The following LEF1 variants were observed in gnomAD, a reference collection of about 807,000 sequenced individuals.
LEF1 encodes the protein lymphoid enhancer-binding factor 1.
Under a neutral mutation model 51.2 loss-of-function variants are expected in LEF1, and 14 were observed. The observed-to-expected ratio is 0.27, with a 90% CI of 0.18 to 0.43. LEF1 has a LOEUF of 0.43. LEF1 is among the 20% of genes least tolerant of loss of function. LEF1 has a pLI of 1.00. For missense variants in LEF1, 386 were observed against 512.0 expected, an observed-to-expected ratio of 0.75 and a Z score of 2.37; for synonymous variants, 185 against 183.2, an observed-to-expected ratio of 1.01 and a Z score of -0.08.
intron 3 of LEF1, among the ~76,000 whole-genome samples, chr4:108,159,576 C>T (rs1270446551): frequency 1.3e-5 from 2 of 152,304 alleles, no homozygotes; most frequent in East Asian, 3.9e-4. Context: ...AACAATGTCA[C>T]GTACAGTGGT....
chr4:108,126,485 T>G (rs1742534906), intron 3 of LEF1, among the ~76,000 whole-genome samples: 1 of 152,152 alleles, frequency 6.6e-6, no homozygotes, highest in Non-Finnish European at 1.5e-5. Flanking sequence ...TCCTGATTTT[T>G]TTATTCTTTT....
At chr4:108,157,367 A>G (rs554183957) in intron 3 of LEF1, among the ~76,000 whole-genome samples, 338 of 152,000 alleles carry the variant, frequency 2.2e-3, no homozygotes, top group Non-Finnish European at 3.0e-3. Context: ...TAATTTTTGT[A>G]TTTTTTAGTA....
At chr4:108,157,179 T>TATACACACACACACACACAC (rs780217431) in intron 3 of LEF1, among the ~76,000 whole-genome samples, 7 of 116,740 alleles carry the variant, frequency 6.0e-5, no homozygotes, top group Non-Finnish European at 1.7e-5. Context: ...TATATATATA[T>TATACACACACACACACACAC]ACACACACAC....
chr4:108,133,441 C>T (rs1222873474), intron 3 of LEF1, among the ~76,000 whole-genome samples: 3 of 152,160 alleles, frequency 2.0e-5, no homozygotes, highest in Admixed American at 2.0e-4. Context: ...AGCATAGTGT[C>T]CCATGTTCAG....
At chr4:108,074,643 G>C (rs907935962) in intron 8 of LEF1, among the ~76,000 whole-genome samples, 19 of 152,200 alleles carry the variant, frequency 1.2e-4, no homozygotes, top group African/African-American at 4.6e-4. Flanking sequence ...GAGCTAGCAA[G>C]GGCTGCCCTG....
intron 3 of LEF1, among the ~76,000 whole-genome samples, chr4:108,094,355 G>A (rs1361596646): frequency 6.6e-6 from 1 of 152,212 alleles, no homozygotes; most frequent in African/African-American, 2.4e-5. Context: ...GTCCCTGCAG[G>A]TAAGGACCTC....
intron 8 of LEF1, among the ~76,000 whole-genome samples, chr4:108,074,362 T>A (rs1006193819): frequency 6.6e-6 from 1 of 152,182 alleles, no homozygotes; most frequent in Non-Finnish European, 1.5e-5. Flanking sequence ...AACATTCTCA[T>A]GACAAATTTG....
chr4:108,074,865 A>G (rs1438652604), intron 8 of LEF1, among the ~76,000 whole-genome samples: 2 of 152,268 alleles, frequency 1.3e-5, no homozygotes, highest in Non-Finnish European at 2.9e-5. Context: ...GCATACCTTC[A>G]TATCATATCC....
chr4:108,056,528 C>T (rs17038504), intron 11 of LEF1, among the ~76,000 whole-genome samples: 5,951 of 152,302 alleles, frequency 0.039, 377 homozygotes, highest in African/African-American at 0.13. Flanking sequence ...CCACGCATAA[C>T]TGAGTCTAAC....
intron 11 of LEF1, among the ~76,000 whole-genome samples, chr4:108,058,595 G>C (rs562412109): frequency 6.6e-6 from 1 of 152,208 alleles, no homozygotes; most frequent in South Asian, 2.1e-4. Flanking sequence ...CTGACAGCTC[G>C]AGTGCTATCT....
intron 11 of LEF1, among the ~76,000 whole-genome samples, chr4:108,057,861 AT>A (rs1288829987): frequency 6.6e-6 from 1 of 150,416 alleles, no homozygotes; most frequent in Admixed American, 6.6e-5. Context: ...TAAGCAGATG[AT>A]TTTTTTTATC....
intron 11 of LEF1, among the ~76,000 whole-genome samples, chr4:108,062,391 C>T (rs1031168248): frequency 6.6e-6 from 1 of 152,166 alleles, no homozygotes; most frequent in Non-Finnish European, 1.5e-5. Context: ...CCAGGGACAG[C>T]ATGTGCGGTG....
intron 5 of LEF1, among the ~76,000 whole-genome samples, chr4:108,082,677 A>G (rs1467750081): frequency 1.3e-5 from 2 of 152,202 alleles, no homozygotes; most frequent in Non-Finnish European, 2.9e-5. Flanking sequence ...TTAATCATAA[A>G]ATAATAAAAA....
intron 3 of LEF1, among the ~76,000 whole-genome samples, chr4:108,154,443 CAAAAAAAA>C (rs10672899): frequency 5.6e-5 from 4 of 71,990 alleles, no homozygotes; most frequent in African/African-American, 2.2e-4. Context: ...AAGGTAGTAG[CAAAAAAAA>C]AAAAAAAAAA....
rs141929220 is a variant in LEF1, at chr4:108,068,281, A to G, written c.1116+2382T>C. ...AATCTCTGTCTCAAAACAAAACAAAACAAAACAAAACAAAACAAAAAGAAG... is the reference window on the plus strand; with the variant it reads ...AATCTCTGTCTCAAAACAAAACAAAGCAAAACAAAACAAAACAAAAAGAAG... On this transcript the variant is annotated intron_variant, in intron 9 of 11. Coordinates refer to ENST00000265165, the MANE Select transcript of LEF1 (RefSeq NM_016269.5). Among the ~76,000 whole-genome samples the G allele has an allele frequency of 9.2e-3, 1,405 of 152,178 alleles. 30 individuals carry two copies. Among genetic ancestry groups the G allele is most frequent in the Middle Eastern group, 0.085 (25 of 294 alleles).
intron 3 of LEF1, among the ~76,000 whole-genome samples, chr4:108,091,335 T>A (rs938522878): frequency 7.9e-5 from 12 of 151,916 alleles, no homozygotes; most frequent in Non-Finnish European, 1.8e-4. Context: ...GTGGCTCCAA[T>A]GAGAAGGACT....
At chr4:108,154,143 G>A (rs1744534538) in intron 3 of LEF1, among the ~76,000 whole-genome samples, 4 of 151,790 alleles carry the variant, frequency 2.6e-5, no homozygotes, top group Admixed American at 2.6e-4. Flanking sequence ...AAGCATTTTT[G>A]AAATTTTCAA....
intron 3 of LEF1, among the ~76,000 whole-genome samples, chr4:108,106,406 G>A (rs948926564): frequency 5.9e-5 from 9 of 152,118 alleles, no homozygotes; most frequent in Non-Finnish European, 1.3e-4. Flanking sequence ...CCGGGTGAAG[G>A]GGAAAGGCCA....
At chr4:108,099,570 G>GTGTGTATATATATA (rs1266681210) in intron 3 of LEF1, among the ~76,000 whole-genome samples, 2 of 70,194 alleles carry the variant, frequency 2.8e-5, no homozygotes, top group Non-Finnish European at 5.8e-5. Context: ...GTGTGTGTGT[G>GTGTGTATATATATA]TATATATATA....
Sources: gnomAD v4.1 joint callset for allele counts (sites outside exome capture counted in the v4.1 genomes callset) on GRCh38, gnomAD v4.1.1 for gene constraint, MANE v1.5 for transcripts, NCBI Gene and HGNC (gene_info 2026-07-23, HGNC 2026-07-21) for gene names.